Variants in ITPR2 observed in about 807,000 individuals in gnomAD.
ITPR2 encodes the protein inositol 1,4,5-trisphosphate-gated calcium channel ITPR2.
Under a neutral mutation model 317.1 loss-of-function variants are expected in ITPR2, and 207 were observed. The observed-to-expected ratio is 0.65, with a 90% confidence interval of 0.58 to 0.73. ITPR2 has a LOEUF of 0.73. Among genes scored for constraint, ITPR2 ranks in the 30% least tolerant of loss-of-function variants. The probability of loss-of-function intolerance (pLI) is 0.00; values close to 1 mark genes in which losing one functional copy is unlikely to be tolerated. For missense variants in ITPR2, 2,613 were observed against 3,284.0 expected, an observed-to-expected ratio of 0.80 and a Z score of 4.99; for synonymous variants, 1,156 against 1,149.1, an observed-to-expected ratio of 1.01 and a Z score of -0.12.
intron 21 of ITPR2, among the ~76,000 whole-genome samples, chr12:26,635,782 T>G (rs1174650091): frequency 1.3e-5 from 2 of 152,228 alleles, no homozygotes; most frequent in East Asian, 3.8e-4. Context: ...ATCTTTACTT[T>G]CTAGAACTAG....
At chr12:26,470,538 A>G (rs1437476918) in intron 45 of ITPR2, among the ~76,000 whole-genome samples, 2 of 152,248 alleles carry the variant, frequency 1.3e-5, no homozygotes, top group African/African-American at 4.8e-5. Context: ...ACAAATGACC[A>G]AAGAACATAT....
chr12:26,759,039 CT>C (rs1440544312), intron 2 of ITPR2, among the ~76,000 whole-genome samples: 1 of 152,144 alleles, frequency 6.6e-6, no homozygotes, highest in African/African-American at 2.4e-5. Flanking sequence ...CCCATATTGC[CT>C]ACAATTATAT....
chr12:26,757,878 A>C (rs2137118412), intron 2 of ITPR2, among the ~76,000 whole-genome samples: 1 of 152,336 alleles, frequency 6.6e-6, no homozygotes, highest in South Asian at 2.1e-4. Context: ...CCTTAGCAAA[A>C]TATCCTCTTG....
chr12:26,506,075 T>C (rs1591838094), intron 37 of ITPR2, among the ~76,000 whole-genome samples: 1 of 130,314 alleles, frequency 7.7e-6, no homozygotes, highest in African/African-American at 3.0e-5. Flanking sequence ...AAATACTTAA[T>C]ATGTAAATAT....
chr12:26,656,556 A>T lies in ITPR2; in HGVS notation c.2193-8T>A. 1 of 1,613,852 alleles carries T rather than the reference A, an allele frequency of 6.2e-7. No individual in the cohort carries two copies. The highest frequency in any genetic ancestry group is 8.5e-7 in the Non-Finnish European group (1 of 1,179,784). ...AAGAGGTTTAGCTGGTACCTTAAAA[A>T]TGGTAAACATATTACATTATTGTCT... On this transcript the variant is annotated splice_polypyrimidine_tract_variant and splice_region_variant and intron_variant, in intron 18 of 56. Coordinates refer to ENST00000381340, the MANE Select transcript of ITPR2 (RefSeq NM_002223.4).
chr12:26,831,764 ATAT>A lies in ITPR2; in HGVS notation c.92+923_92+925del, dbSNP rs1174638157. On this transcript the variant is annotated intron_variant, in intron 1 of 56. Transcript: ENST00000381340. This position sits in a 1 kb window ranked among gnomAD's most constrained non-coding sequence, Gnocchi z 4.9. ...TATATATTCTACATAAAATATATAAATATATATTCTACATAAAATATATAAATA... is the reference window on the plus strand; with the variant it reads ...TATATATTCTACATAAAATATATAAAATATTCTACATAAAATATATAAATA... 1.1e-5 allele frequency among the ~76,000 whole-genome samples: 1 copy of A among 90,002 alleles called. No homozygotes were observed. Among genetic ancestry groups the A allele is most frequent in the African/African-American group, 3.1e-5 (1 of 31,826 alleles). 59.0% of individuals were successfully genotyped at this position (90,002 alleles called of 152,430 possible).
chr12:26,381,440 C>G (rs981692688), intron 55 of ITPR2, among the ~76,000 whole-genome samples: 5 of 152,128 alleles, frequency 3.3e-5, no homozygotes, highest in Non-Finnish European at 7.3e-5. Flanking sequence ...TATCTTTATA[C>G]AGCAAATCTT....
At chr12:26,649,111 C>T (rs1351097048) in intron 21 of ITPR2, 1 of 151,954 alleles carries the variant, frequency 6.6e-6, no homozygotes, top group Non-Finnish European at 1.5e-5. Context: ...GAAAGAGTTG[C>T]AAGAATAGTA....
chr12:26,771,212 G>A (rs1336215106), intron 2 of ITPR2, among the ~76,000 whole-genome samples: 2 of 152,174 alleles, frequency 1.3e-5, no homozygotes, highest in East Asian at 3.8e-4. Flanking sequence ...GTAGTTTGCA[G>A]GGCCACCATT....
At chr12:26,381,198 C>G (rs1188533475) in intron 55 of ITPR2, among the ~76,000 whole-genome samples, 3 of 152,144 alleles carry the variant, frequency 2.0e-5, no homozygotes, top group Admixed American at 6.5e-5. Context: ...GGGACATAAC[C>G]CTTCCTGCTG....
At chr12:26,611,310 A>T (rs1432223812) in intron 26 of ITPR2, among the ~76,000 whole-genome samples, 1 of 152,236 alleles carries the variant, frequency 6.6e-6, no homozygotes, top group Non-Finnish European at 1.5e-5. Flanking sequence ...TTTTTAGTTA[A>T]TTCTGTTCCT....
intron 45 of ITPR2, among the ~76,000 whole-genome samples, chr12:26,458,809 C>T (rs937306858): frequency 6.6e-6 from 1 of 152,212 alleles, no homozygotes; most frequent in Admixed American, 6.5e-5. Flanking sequence ...AATCCGAGTA[C>T]TTCCTACCTA....
intron 22 of ITPR2, among the ~76,000 whole-genome samples, chr12:26,630,392 T>A (rs1591979823): frequency 8.0e-6 from 1 of 125,326 alleles, no homozygotes. Context: ...AGAGAGAGAA[T>A]GAGAGAGAAA....
chr12:26,721,466 T>G (rs1481770714), intron 5 of ITPR2: 1 of 423,086 alleles, frequency 2.4e-6, no homozygotes, highest in African/African-American at 2.0e-5. Flanking sequence ...CTGAAAAAAC[T>G]CTCTCAGAAT....
At chr12:26,710,875 T>C (rs917664407) in intron 9 of ITPR2, among the ~76,000 whole-genome samples, 1 of 152,138 alleles carries the variant, frequency 6.6e-6, no homozygotes, top group African/African-American at 2.4e-5. Flanking sequence ...TGAAGCTAAA[T>C]AGAAAATTTT....
chr12:26,406,603 CCT>C (rs1431968666), intron 52 of ITPR2: 2 of 151,938 alleles, frequency 1.3e-5, no homozygotes, highest in East Asian at 3.9e-4. Context: ...TATGTCTGTA[CCT>C]TTTGTAACAT....
intron 55 of ITPR2, among the ~76,000 whole-genome samples, chr12:26,367,386 G>C (rs993073879): frequency 6.6e-6 from 1 of 151,882 alleles, no homozygotes; most frequent in Non-Finnish European, 1.5e-5. Flanking sequence ...CTTTCTCCAT[G>C]GCTCACCTGC....
At chr12:26,600,968 T>TC (rs1284358612) in intron 28 of ITPR2, among the ~76,000 whole-genome samples, 1 of 152,100 alleles carries the variant, frequency 6.6e-6, no homozygotes, top group Non-Finnish European at 1.5e-5. Context: ...CTCCTTTTTG[T>TC]CCCCCTCTTT....
intron 43 of ITPR2, among the ~76,000 whole-genome samples, chr12:26,479,879 G>A (rs1358884481): frequency 1.3e-5 from 2 of 152,118 alleles, no homozygotes; most frequent in Non-Finnish European, 2.9e-5. Context: ...TTCAATATCA[G>A]CCTGGGCAAC....
Sources: allele counts gnomAD v4.1 joint callset (sites outside exome capture counted in the v4.1 genomes callset), GRCh38; gene constraint gnomAD v4.1.1; non-coding constraint Gnocchi (gnomAD v3.1); transcripts MANE v1.5; gene names NCBI Gene and HGNC (gene_info 2026-07-23, HGNC 2026-07-21).